CDH4: variants seen among roughly 807,000 people sequenced by gnomAD.
CDH4 encodes cadherin-4.
In CDH4, 33 loss-of-function variants were observed where a neutral mutation model predicts 86.0. The ratio of observed to expected loss-of-function variants is 0.38; its 90% CI spans 0.29 to 0.51. The LOEUF (loss-of-function observed/expected upper bound fraction) is 0.51, where lower values mean the gene tolerates loss of function less well. Ranked by LOEUF, CDH4 falls within the 20% of genes least tolerant of loss-of-function variation. CDH4 has a pLI of 0.86. For synonymous variants in CDH4, 555 were observed against 549.4 expected, an observed-to-expected ratio of 1.01 and a Z score of -0.14; for missense variants, 1,114 against 1,307.4, an observed-to-expected ratio of 0.85 and a Z score of 2.28.
At chr20:61,472,264 TTG>T (rs2085508589) in intron 2 of CDH4, among the ~76,000 whole-genome samples, 1 of 152,228 alleles carries the variant, frequency 6.6e-6, no homozygotes, top group East Asian at 1.9e-4. Context: ...ATGACCTCCT[TTG>T]TCTCTTCTTA....
chr20:61,254,848 C>G lies in CDH4; in HGVS notation c.80C>G (p.Thr27Ser). Residue 27 changes from threonine (T) to serine (S), a missense_variant, in exon 2 of 16, where the codon ACT becomes AGT. By Grantham distance (58) the Thr-to-Ser change is moderately conservative. This residue lies in a region of CDH4 where 221 missense variants were observed against 209.5 expected (regional missense o/e 1.05). Transcript: ENST00000614565. ...ALRAHNEDLT[T>S]RETCKAGFSE... Reference sequence around the variant, plus strand: ...CAGGCCCATAATGAGGATCTTACAACTAGAGAGACCTGCAAGGCTGGGTTC... The same window carrying G: ...CAGGCCCATAATGAGGATCTTACAAGTAGAGAGACCTGCAAGGCTGGGTTC... 6.2e-7 allele frequency: 1 copy of G among 1,609,256 alleles called. No homozygotes were observed. Among genetic ancestry groups the G allele is most frequent in the Non-Finnish European group, 8.5e-7 (1 of 1,175,534 alleles).
chr20:61,278,583 T>G (rs1001094367), intron 2 of CDH4, among the ~76,000 whole-genome samples: 1 of 152,254 alleles, frequency 6.6e-6, no homozygotes, highest in East Asian at 1.9e-4. Flanking sequence ...GCTCAGCCCT[T>G]GGGAAGTGGC....
intron 11 of CDH4, 28 bp from the exon 12 acceptor site, chr20:61,928,162 C>T (rs765299128): frequency 3.2e-6 from 5 of 1,566,844 alleles, no homozygotes; most frequent in South Asian, 2.2e-5. Context: ...AGGAGTGGCC[C>T]GTGTGGTGAC....
At chr20:61,288,935 T>C (rs1404206870) in intron 2 of CDH4, among the ~76,000 whole-genome samples, 1 of 151,678 alleles carries the variant, frequency 6.6e-6, no homozygotes, top group Admixed American at 6.6e-5. Flanking sequence ...AACTGGGGCT[T>C]AAAAGGAAAG....
intron 2 of CDH4, among the ~76,000 whole-genome samples, chr20:61,423,907 T>G (rs1172717379): frequency 6.6e-6 from 1 of 152,304 alleles, no homozygotes; most frequent in Non-Finnish European, 1.5e-5. Context: ...TCACTCCCTG[T>G]GCGCACACAT....
At chr20:61,290,163 C>T (rs2084313020) in intron 2 of CDH4, among the ~76,000 whole-genome samples, 2 of 87,466 alleles carry the variant, frequency 2.3e-5, no homozygotes, top group Non-Finnish European at 4.2e-5. Context: ...ATCCCCGTAT[C>T]CAATGAGACT....
intron 2 of CDH4, among the ~76,000 whole-genome samples, chr20:61,364,754 T>C (rs1036273373): frequency 6.6e-6 from 1 of 152,226 alleles, no homozygotes; most frequent in Non-Finnish European, 1.5e-5. Context: ...GAAATAGATC[T>C]GGTTTCAAAC....
chr20:61,820,334 A>C (rs899971811), intron 4 of CDH4, among the ~76,000 whole-genome samples: 2 of 152,236 alleles, frequency 1.3e-5, no homozygotes, highest in Non-Finnish European at 2.9e-5. Context: ...TGGGGGACGT[A>C]TGCAGCCACT....
At chr20:61,929,943 C>CCTCATCT in intron 13 of CDH4, 101 bp downstream of exon 13, 1 of 867,868 alleles carries the variant, frequency 1.2e-6, no homozygotes, top group Non-Finnish European at 1.9e-6. Flanking sequence ...GCCCCTCAGC[C>CCTCATCT]CTCATCTCTC....
chr20:61,716,852 G>C (rs2087961479), intron 2 of CDH4, among the ~76,000 whole-genome samples: 1 of 152,178 alleles, frequency 6.6e-6, no homozygotes, highest in African/African-American at 2.4e-5. Context: ...AGGTTGCAGG[G>C]AGCTGAGATC....
chr20:61,435,071 G>A (rs2085273081), intron 2 of CDH4, among the ~76,000 whole-genome samples: 1 of 152,160 alleles, frequency 6.6e-6, no homozygotes, highest in Admixed American at 6.5e-5. Context: ...TCACGTTCAC[G>A]AGTATGAAGT....
intron 7 of CDH4, among the ~76,000 whole-genome samples, chr20:61,882,341 C>T (rs924140569): frequency 3.3e-5 from 5 of 152,274 alleles, no homozygotes; most frequent in African/African-American, 7.2e-5. Flanking sequence ...CTCAGCGGCA[C>T]GGCCCCTTTG....
intron 2 of CDH4, among the ~76,000 whole-genome samples, chr20:61,267,997 C>T (rs772550977): frequency 6.6e-6 from 1 of 152,216 alleles, no homozygotes; most frequent in African/African-American, 2.4e-5. Flanking sequence ...CCTCTTGCAG[C>T]CTGTGTTGCA....
chr20:61,422,131 T>C (rs916002071), intron 2 of CDH4, among the ~76,000 whole-genome samples: 1 of 152,148 alleles, frequency 6.6e-6, no homozygotes, highest in African/African-American at 2.4e-5. Context: ...TGCATTGTCA[T>C]TAAAGACAAA....
At chr20:61,643,451 G>A (rs914749375) in intron 2 of CDH4, among the ~76,000 whole-genome samples, 6 of 152,176 alleles carry the variant, frequency 3.9e-5, no homozygotes, top group Non-Finnish European at 8.8e-5. Flanking sequence ...CAGGTTCTGG[G>A]GATTAGGGCA....
At chr20:61,630,515 G>A (rs900264762) in intron 2 of CDH4, among the ~76,000 whole-genome samples, 13 of 152,164 alleles carry the variant, frequency 8.5e-5, no homozygotes, top group Non-Finnish European at 1.3e-4. Context: ...GGAAGGGCAC[G>A]GCCACACCTG....
chr20:61,558,583 G>T (rs2086193992), intron 2 of CDH4, among the ~76,000 whole-genome samples: 1 of 152,240 alleles, frequency 6.6e-6, no homozygotes, highest in Non-Finnish European at 1.5e-5. Flanking sequence ...TGCAGGAGAT[G>T]CTCAGGAAAT....
At chr20:61,647,514 G>T (rs2087073301) in intron 2 of CDH4, among the ~76,000 whole-genome samples, 1 of 99,046 alleles carries the variant, frequency 1.0e-5, no homozygotes. Flanking sequence ...ACATCAGTAT[G>T]CACACACATA....
chr20:61,752,330 A>T (rs949504019), intron 3 of CDH4, among the ~76,000 whole-genome samples: 1 of 48,210 alleles, frequency 2.1e-5, no homozygotes, highest in East Asian at 9.5e-4. Flanking sequence ...AAAGCCTGTC[A>T]AAAAAAAAAA....
Sources: allele counts gnomAD v4.1 joint callset (sites outside exome capture counted in the v4.1 genomes callset), GRCh38; gene constraint gnomAD v4.1.1; regional missense constraint gnomAD v4.1.1; transcripts MANE v1.5; gene names NCBI Gene and HGNC (gene_info 2026-07-23, HGNC 2026-07-21).